SAMD12: variants seen among roughly 807,000 people sequenced by gnomAD.
SAMD12 encodes the protein sterile alpha motif domain containing 12, also known as sterile alpha motif domain-containing protein 12.
A neutral mutation model predicts 15.0 loss-of-function variants in SAMD12; 9 were observed. The observed-to-expected ratio is 0.60, with a 90% confidence interval of 0.36 to 1.05. The LOEUF is 1.05. Among genes scored for constraint, SAMD12 ranks in the 50% least tolerant of loss-of-function variants. The pLI is 0.01. For missense variants in SAMD12, 230 were observed against 234.2 expected, an observed-to-expected ratio of 0.98 and a Z score of 0.12; for synonymous variants, 86 against 90.1, an observed-to-expected ratio of 0.96 and a Z score of 0.25.
At chr8:118,616,746 G>A (rs1331090021) in intron 1 of SAMD12, among the ~76,000 whole-genome samples, 1 of 152,200 alleles carries the variant, frequency 6.6e-6, no homozygotes, top group African/African-American at 2.4e-5. Context: ...GTTGTGAACT[G>A]GTATCAGTCC....
At chr8:118,256,820 A>ACACACG (rs1322138615) in intron 4 of SAMD12, among the ~76,000 whole-genome samples, 1 of 148,170 alleles carries the variant, frequency 6.7e-6, no homozygotes, top group African/African-American at 2.5e-5. Context: ...ACACACACAC[A>ACACACG]CGCACACATT....
intron 2 of SAMD12, among the ~76,000 whole-genome samples, chr8:118,545,403 G>A (rs1586804801): frequency 6.6e-6 from 1 of 152,142 alleles, no homozygotes; most frequent in African/African-American, 2.4e-5. Context: ...GGAGGCAGAG[G>A]TTGCAGTGAA....
Position 118,512,185 on chromosome 8 carries a change from C to T in SAMD12, c.192+68530G>A, listed in dbSNP as rs561154753. Among the ~76,000 whole-genome samples, 6 of 152,254 alleles carry T rather than the reference C, an allele frequency of 3.9e-5. No individual in the cohort carries two copies. The South Asian group carries it at 1.2e-3, about 32-fold the overall frequency. On this transcript the variant is annotated intron_variant, in intron 2 of 3. Coordinates refer to ENST00000314727, the MANE Select transcript of SAMD12 (RefSeq NM_207506.3). Reference sequence around the variant, plus strand: ...GAATACAATCAGAATGTTTCCTTAACTTTGAAGACTTTGGCGGAACTTCCA... The same window carrying T: ...GAATACAATCAGAATGTTTCCTTAATTTTGAAGACTTTGGCGGAACTTCCA...
chr8:118,271,117 C>T (rs1813346016), intron 4 of SAMD12, among the ~76,000 whole-genome samples: 1 of 152,108 alleles, frequency 6.6e-6, no homozygotes, highest in South Asian at 2.1e-4. Context: ...TCTCATGCTG[C>T]TAATTGATAC....
chr8:118,147,248 C>A, the SAMD12 span, among the ~76,000 whole-genome samples: 84 of 152,064 alleles, frequency 5.5e-4, no homozygotes, highest in African/African-American at 2.0e-3. Context: ...TGGTCTTGAA[C>A]TCCTGACTTC....
chr8:118,439,552 A>T (rs1240091684), intron 3 of SAMD12, among the ~76,000 whole-genome samples: 1 of 152,076 alleles, frequency 6.6e-6, no homozygotes, highest in Non-Finnish European at 1.5e-5. Context: ...TTTCTCTATG[A>T]TTGGCATGCT....
chr8:118,379,975 T>C (rs1017968874), intron 3 of SAMD12, among the ~76,000 whole-genome samples: 3 of 152,126 alleles, frequency 2.0e-5, no homozygotes, highest in Non-Finnish European at 2.9e-5. Context: ...TACATTCAGT[T>C]AGATAAAATA....
chr8:118,449,612 C>T (rs948451382), intron 2 of SAMD12, among the ~76,000 whole-genome samples: 28 of 150,638 alleles, frequency 1.9e-4, no homozygotes, highest in African/African-American at 6.6e-4. Flanking sequence ...GAGACTGAGA[C>T]CACAATGAAA....
chr8:118,518,223 A>G (rs1312309371), intron 2 of SAMD12, among the ~76,000 whole-genome samples: 1 of 152,218 alleles, frequency 6.6e-6, no homozygotes, highest in Non-Finnish European at 1.5e-5. Context: ...CAAAATACAC[A>G]GAATGGGTTT....
chr8:118,311,254 T>A (rs770965806), intron 4 of SAMD12, among the ~76,000 whole-genome samples: 3 of 152,178 alleles, frequency 2.0e-5, no homozygotes, highest in Non-Finnish European at 4.4e-5. Flanking sequence ...AGAAAAAAAA[T>A]GAAACTTGGG....
At chr8:118,489,060 T>C (rs1331528054) in intron 2 of SAMD12, among the ~76,000 whole-genome samples, 2 of 151,964 alleles carry the variant, frequency 1.3e-5, no homozygotes, top group African/African-American at 2.4e-5. Context: ...GGGGAGGAGG[T>C]TGTGGTATCT....
At chr8:118,308,676 T>A (rs574080438) in intron 4 of SAMD12, among the ~76,000 whole-genome samples, 15 of 151,562 alleles carry the variant, frequency 9.9e-5, no homozygotes, top group Non-Finnish European at 2.1e-4. Flanking sequence ...CAGAAAAAAA[T>A]GCCTTCCATT....
intron 4 of SAMD12, among the ~76,000 whole-genome samples, chr8:118,280,059 GC>G (rs1450713883): frequency 6.6e-6 from 1 of 152,078 alleles, no homozygotes; most frequent in African/African-American, 2.4e-5. Flanking sequence ...GCAATTGTGA[GC>G]TTTTGGTGGT....
chr8:118,152,589 A>T, the SAMD12 span, among the ~76,000 whole-genome samples: 1 of 151,706 alleles, frequency 6.6e-6, no homozygotes, highest in Non-Finnish European at 1.5e-5. Context: ...ACCTTTGTTC[A>T]CCAGTCTCAA....
chr8:118,510,310 T>C (rs1825043969), intron 2 of SAMD12, among the ~76,000 whole-genome samples: 1 of 151,536 alleles, frequency 6.6e-6, no homozygotes, highest in African/African-American at 2.4e-5. Flanking sequence ...CAGTGTAGGG[T>C]CCAGGAACCT....
In SAMD12 at chr8:118,457,235, T is replaced by TG. The variant is rs200521912; in HGVS notation, c.193-17275_193-17274insC. Among the ~76,000 whole-genome samples, 1,250 of 151,794 alleles carry TG rather than the reference T, an allele frequency of 8.2e-3. 11 individuals carry two copies. The highest frequency in any genetic ancestry group is 0.027 in the Middle Eastern group (8 of 294). On this transcript the variant is annotated intron_variant, in intron 2 of 3. Coordinates refer to ENST00000314727, the MANE Select transcript of SAMD12 (RefSeq NM_207506.3). ...CTCTCTCTCTCTCTTTTTTTTTTTT[T>TG]TTGTTTGCTTTTTAGAGACAAGGCT...
intron 4 of SAMD12, among the ~76,000 whole-genome samples, chr8:118,327,982 T>C (rs1428760631): frequency 1.3e-5 from 2 of 152,234 alleles, no homozygotes; most frequent in Non-Finnish European, 2.9e-5. Context: ...TAAAGAGTCT[T>C]ATTATAGATA....
chr8:118,323,050 C>T (rs1816367828), intron 4 of SAMD12, among the ~76,000 whole-genome samples: 1 of 152,076 alleles, frequency 6.6e-6, no homozygotes, highest in East Asian at 1.9e-4. Context: ...TTGTTGAAGG[C>T]CCTTTAGTCA....
At chr8:118,164,899 G>C in the SAMD12 span, among the ~76,000 whole-genome samples, 4 of 150,410 alleles carry the variant, frequency 2.7e-5, no homozygotes, top group African/African-American at 9.8e-5. Flanking sequence ...TGCATATATG[G>C]AATGTAGTAG....
Sources: gnomAD v4.1 joint callset for allele counts (sites outside exome capture counted in the v4.1 genomes callset) on GRCh38, gnomAD v4.1.1 for gene constraint, MANE v1.5 for transcripts, NCBI Gene and HGNC (gene_info 2026-07-23, HGNC 2026-07-21) for gene names.